The following TUBGCP2 variants were observed in gnomAD, a reference collection of about 807,000 sequenced individuals.
TUBGCP2 encodes gamma-tubulin complex component 2.
TUBGCP2 carries 55 observed loss-of-function variants against 92.2 expected under a neutral mutation model. That is an observed-to-expected ratio of 0.60 (90% CI 0.48 to 0.75). The LOEUF (loss-of-function observed/expected upper bound fraction) is 0.75. TUBGCP2 is among the 30% of genes least tolerant of loss of function. The pLI is 0.00. For missense variants in TUBGCP2, 1,093 were observed against 1,188.9 expected (o/e 0.92, Z 1.19); for synonymous variants, 533 against 505.2 (o/e 1.06, Z -0.74).
intron 15 of TUBGCP2, among the ~76,000 whole-genome samples, 160 bp downstream of exon 15, chr10:133,282,918 C>CGGCCA (rs1399909441): frequency 6.6e-6 from 1 of 152,196 alleles, no homozygotes; most frequent in Non-Finnish European, 1.5e-5. Flanking sequence ...GGGAATCACC[C>CGGCCA]GGCCAGGAAG....
chr10:133,293,291 A>G (rs1847408515), intron 6 of TUBGCP2, 53 bp from the exon 7 acceptor site: 4 of 1,580,956 alleles, frequency 2.5e-6, no homozygotes, highest in Middle Eastern at 1.7e-4. Context: ...AGGCACATAC[A>G]ATGTCCGATA....
chr10:133,279,478 C>T lies in TUBGCP2; in HGVS notation c.*288G>A, dbSNP rs1846910471. The T allele has an allele frequency of 6.9e-6, 3 of 434,674 alleles. No homozygotes were observed. The highest frequency in any genetic ancestry group is 9.4e-5 in the East Asian group (2 of 21,224). 26.9% of individuals were successfully genotyped at this position (434,674 alleles called of 1,614,324 possible). ...CACATGCATCTTTGCTTGCTCCTGG[C>T]TTAAACACCATGTATTTCCACTTTG... On this transcript the variant is annotated 3_prime_UTR_variant, in exon 18 of 18. Coordinates refer to ENST00000252936, the MANE Select transcript of TUBGCP2 (RefSeq NM_006659.4).
At chr10:133,310,048 C>T (rs1847953539), upstream of TUBGCP2, 3 of 1,609,292 alleles carry the variant, frequency 1.9e-6, no homozygotes, top group African/African-American at 2.7e-5. Flanking sequence ...GCCCCCAGCT[C>T]TCGGGTGCTC....
At position 133,293,228 on chromosome 10, in the gene TUBGCP2, C is replaced by T; in HGVS notation, c.835G>A (p.Glu279Lys). 6.2e-7 allele frequency: 1 copy of T among 1,613,338 alleles called. No individual in the cohort carries two copies. Among genetic ancestry groups the T allele is most frequent in the Non-Finnish European group, 8.5e-7 (1 of 1,179,810 alleles). The change falls in exon 7 of 18, where the codon GAG becomes AAG. Residue 279 changes from glutamate to lysine, a missense_variant. This residue lies in a region of TUBGCP2 where 490 missense variants were observed against 488.5 expected (regional missense o/e 1.00). Coordinates refer to ENST00000252936, the MANE Select transcript of TUBGCP2 (RefSeq NM_006659.4). ...TGCCCGTACTCGAAGGAAGACTTCT[C>T]TTCAATGAACCTGGAAGAAAAGCTG... ...SYSAVTRFIE[E>K]KSSFEYGQVN...
upstream of TUBGCP2, chr10:133,309,256 G>A: frequency 7.5e-7 from 1 of 1,336,482 alleles, no homozygotes; most frequent in Non-Finnish European, 1.0e-6. Context: ...GCCGGAACGT[G>A]GAGTGGGCGG....
At chr10:133,306,697 A>G (rs1056555783) in intron 1 of TUBGCP2, among the ~76,000 whole-genome samples, 1 of 152,178 alleles carries the variant, frequency 6.6e-6, no homozygotes, top group Non-Finnish European at 1.5e-5. Flanking sequence ...CTGGGGCAGG[A>G]GAATGGCATG....
chr10:133,287,196 A>G (rs746759539), intron 11 of TUBGCP2, among the ~76,000 whole-genome samples: 70 of 152,360 alleles, frequency 4.6e-4, no homozygotes, highest in Admixed American at 2.2e-3. Context: ...CGAGACAGAC[A>G]GCCGACCAAG....
chr10:133,307,863 C>T (rs1333357666), intron 1 of TUBGCP2, among the ~76,000 whole-genome samples: 1 of 152,250 alleles, frequency 6.6e-6, no homozygotes, highest in Non-Finnish European at 1.5e-5. Context: ...AGAGGAGCCT[C>T]TTGCTCGTGG....
At chr10:133,298,259 G>A in intron 4 of TUBGCP2, 148 bp from the exon 5 acceptor site, 1 of 884,258 alleles carries the variant, frequency 1.1e-6, no homozygotes, top group Non-Finnish European at 1.7e-6. Flanking sequence ...GAAATGAAAT[G>A]CGCCTCGACA....
intron 1 of TUBGCP2, among the ~76,000 whole-genome samples, chr10:133,305,100 C>T (rs535749510): frequency 6.6e-6 from 1 of 152,146 alleles, no homozygotes; most frequent in Non-Finnish European, 1.5e-5. Context: ...CAGGCCCGCC[C>T]GCAGTTATCC....
intron 1 of TUBGCP2, among the ~76,000 whole-genome samples, chr10:133,307,189 G>T (rs1301270536): frequency 6.6e-6 from 1 of 152,206 alleles, no homozygotes; most frequent in Non-Finnish European, 1.5e-5. Flanking sequence ...TGGCCTTCTT[G>T]ATGCTCCTGA....
upstream of TUBGCP2, chr10:133,309,306 T>G: frequency 6.7e-7 from 1 of 1,502,342 alleles, no homozygotes; most frequent in Non-Finnish European, 9.0e-7. Flanking sequence ...GCGGGATGAC[T>G]GGGGCCACGG....
intron 1 of TUBGCP2, among the ~76,000 whole-genome samples, chr10:133,303,389 C>T (rs1284984341): frequency 6.6e-6 from 1 of 152,258 alleles, no homozygotes; most frequent in Non-Finnish European, 1.5e-5. Flanking sequence ...GCTCCGGGAG[C>T]CAGCCCCGTG....
At chr10:133,310,682 ACAT>A (rs892380609), upstream of TUBGCP2, 1 of 245,782 alleles carries the variant, frequency 4.1e-6, no homozygotes, top group African/African-American at 2.3e-5. Context: ...CCGTGCTCAC[ACAT>A]CATGCAGCCC....
At chr10:133,299,854 T>C (rs1847594722) in intron 3 of TUBGCP2, 131 bp downstream of exon 3, 1 of 1,306,592 alleles carries the variant, frequency 7.7e-7, no homozygotes, top group Non-Finnish European at 1.1e-6. Flanking sequence ...ATTTCCTACA[T>C]GGCCTAGAAG....
intron 14 of TUBGCP2, among the ~76,000 whole-genome samples, 181 bp from the exon 15 acceptor site, chr10:133,283,402 G>T (rs1847039697): frequency 7.1e-6 from 1 of 140,814 alleles, no homozygotes; most frequent in Admixed American, 6.8e-5. Context: ...GGCACACCCC[G>T]AAGGGGTTTC....
At chr10:133,284,553 C>T (rs909779162) in intron 13 of TUBGCP2, among the ~76,000 whole-genome samples, 2 of 152,044 alleles carry the variant, frequency 1.3e-5, no homozygotes, top group Non-Finnish European at 2.9e-5. Flanking sequence ...AAGAGATGAG[C>T]TCTTGTTACA....
intron 8 of TUBGCP2, chr10:133,291,093 C>A: frequency 3.7e-6 from 1 of 269,662 alleles, no homozygotes; most frequent in Non-Finnish European, 7.1e-6. Flanking sequence ...ATTTAATGTC[C>A]TGCACACAAA....
chr10:133,283,854 C>T (rs1270382394), intron 14 of TUBGCP2, 28 bp downstream of exon 14: 31 of 1,611,448 alleles, frequency 1.9e-5, no homozygotes, highest in African/African-American at 2.7e-5. Context: ...GGCTTTCAAA[C>T]GTTATTATCT....
Sources: allele counts gnomAD v4.1 joint callset (sites outside exome capture counted in the v4.1 genomes callset), GRCh38; gene constraint gnomAD v4.1.1; regional missense constraint gnomAD v4.1.1; transcripts MANE v1.5; gene names NCBI Gene and HGNC (gene_info 2026-07-23, HGNC 2026-07-21).